The following STX18 variants were observed in gnomAD, a reference collection of about 807,000 sequenced individuals.
STX18 encodes syntaxin-18.
Under a neutral mutation model 50.1 loss-of-function variants are expected in STX18, and 40 were observed. The observed-to-expected ratio is 0.80, with a 90% confidence interval of 0.62 to 1.04. STX18 has a LOEUF of 1.04. STX18 is among the 50% of genes least tolerant of loss of function. The pLI is 0.00. For missense variants in STX18, 410 were observed against 415.8 expected (o/e 0.99, Z 0.12); for synonymous variants, 158 against 151.8 (o/e 1.04, Z -0.30).
chr4:4,476,177 A>G (rs549964556), intron 1 of STX18: 1 of 152,364 alleles, frequency 6.6e-6, no homozygotes, highest in African/African-American at 2.4e-5. Context: ...TCAGTGAGCT[A>G]CGGTTTGATT....
At chr4:4,508,441 T>C (rs1033123067) in intron 1 of STX18, among the ~76,000 whole-genome samples, 14 of 152,270 alleles carry the variant, frequency 9.2e-5, no homozygotes, top group Admixed American at 1.3e-4. Flanking sequence ...ATATAAAATA[T>C]ACATGAGAAG....
chr4:4,521,281 C>T (rs552746737), intron 1 of STX18, among the ~76,000 whole-genome samples: 6 of 152,272 alleles, frequency 3.9e-5, no homozygotes, highest in Admixed American at 1.3e-4. Flanking sequence ...GCTATACAGA[C>T]GTATTATGAA....
intron 1 of STX18, among the ~76,000 whole-genome samples, chr4:4,500,336 T>C (rs2108876872): frequency 6.6e-6 from 1 of 152,300 alleles, no homozygotes; most frequent in South Asian, 2.1e-4. Context: ...ACGGAAAATA[T>C]TTTTTTAAAA....
At chr4:4,512,827 T>C (rs1395791640) in intron 1 of STX18, among the ~76,000 whole-genome samples, 1 of 152,166 alleles carries the variant, frequency 6.6e-6, no homozygotes, top group African/African-American at 2.4e-5. Context: ...TAAATATTGC[T>C]CAAAGTTAGA....
Position 4,427,715 on chromosome 4 carries a change from A to C in STX18, c.703-2493T>G, listed in dbSNP as rs529414539. Among the ~76,000 whole-genome samples the C allele has an allele frequency of 3.9e-5, 6 of 152,286 alleles. No individual in the cohort carries two copies. The South Asian group carries it at 1.2e-3, about 32-fold the overall frequency. The stretch of plus-strand genomic sequence containing the variant: ...CTTTTCTTGTTTCCTCCCCAATTTG[A>C]GGGCCTGTGGTATAAGGCACTTAGG... On this transcript the variant is annotated intron_variant, in intron 7 of 10. Coordinates refer to ENST00000306200, the MANE Select transcript of STX18 (RefSeq NM_016930.4).
At chr4:4,423,615 A>C (rs1261481562) in intron 8 of STX18, 28 bp from the exon 9 acceptor site, 1 of 1,603,438 alleles carries the variant, frequency 6.2e-7, no homozygotes, top group East Asian at 2.2e-5. Context: ...ATTACATATT[A>C]ACTATTAGCA....
Position 4,438,491 on chromosome 4 carries a change from T to C in STX18, c.516A>G (p.Glu172=). The change falls in exon 6 of 11, where the codon GAA becomes GAG. Residue 172 remains glutamate, a synonymous_variant. Coordinates refer to ENST00000306200, the MANE Select transcript of STX18 (RefSeq NM_016930.4). ...TGGATTCTCTTGTCTTTGTATTTGG[T>C]TCTGGTTCCAGCTTAGATCTAAAAA... ...DKKRLSKLEP[E]PNTKTRESTS... 1 of 1,613,406 alleles carries C rather than the reference T, an allele frequency of 6.2e-7. No homozygotes were observed. The highest frequency in any genetic ancestry group is 8.5e-7 in the Non-Finnish European group (1 of 1,179,508).
chr4:4,419,533 T>TAA lies in STX18; in HGVS notation c.*499_*500dup, dbSNP rs1454967293. On this transcript the variant is annotated 3_prime_UTR_variant, in exon 11 of 11. Transcript: ENST00000306200. Reference sequence around the variant, plus strand: ...AGGCAGATGTGAATTTTCTCTTCTATAATCCAGTAAGTCTGTGTATTCGTT... The same window carrying TAA: ...AGGCAGATGTGAATTTTCTCTTCTATAAAATCCAGTAAGTCTGTGTATTCGTT... 1.3e-5 allele frequency: 2 copies of TAA among 152,926 alleles called. No individual in the cohort carries two copies. The highest frequency in any genetic ancestry group is 2.9e-5 in the Non-Finnish European group (2 of 68,534). The allele number at this position is 152,926 out of a possible 1,614,324, so 9.5% of individuals were successfully genotyped here.
intron 1 of STX18, among the ~76,000 whole-genome samples, chr4:4,491,778 A>G (rs1369051314): frequency 6.6e-6 from 1 of 152,150 alleles, no homozygotes; most frequent in African/African-American, 2.4e-5. Flanking sequence ...GCCACAGTGT[A>G]ATATACGTTA....
At chr4:4,459,568 G>A in intron 2 of STX18, 81 bp from the exon 3 acceptor site, 1 of 1,000,886 alleles carries the variant, frequency 1.0e-6, no homozygotes, top group South Asian at 1.3e-5. Flanking sequence ...AGAAGAAAAG[G>A]CCTCCCTGAT....
chr4:4,456,942 G>A (rs948294318), intron 5 of STX18, among the ~76,000 whole-genome samples: 8 of 152,120 alleles, frequency 5.3e-5, no homozygotes, highest in African/African-American at 7.2e-5. Flanking sequence ...CAAGCCTCCT[G>A]AGCCTCAACT....
intron 1 of STX18, among the ~76,000 whole-genome samples, chr4:4,476,585 A>T (rs1431346952): frequency 6.6e-6 from 1 of 152,240 alleles, no homozygotes; most frequent in Non-Finnish European, 1.5e-5. Context: ...ATTTCACTAA[A>T]GAATCTCCTA....
At position 4,467,932 on chromosome 4, in the gene STX18, A is replaced by C. The variant is rs142886573; in HGVS notation, c.236+3707T>G. Among the ~76,000 whole-genome samples, 325 of 152,300 alleles carry C rather than the reference A, an allele frequency of 2.1e-3. 6 individuals carry two copies. The highest frequency in any genetic ancestry group is 0.011 in the East Asian group (59 of 5,172). ...CTGTAATGGAAGTCAAGGGAATAGG[A>C]AATTTCAAGAAACTGATGATGGTCA... On this transcript the variant is annotated intron_variant, in intron 2 of 10. Coordinates refer to ENST00000306200, the MANE Select transcript of STX18 (RefSeq NM_016930.4).
intron 7 of STX18, among the ~76,000 whole-genome samples, chr4:4,433,534 T>TAAAAAAAAAAAAAAAAAAAAAA (rs10676475): frequency 1.8e-5 from 2 of 111,070 alleles, no homozygotes; most frequent in Non-Finnish European, 3.8e-5. Flanking sequence ...AAAAATAAAT[T>TAAAAAAAAAAAAAAAAAAAAAA]AAAAAAAAAA....
rs1724762964 is a variant in STX18, at chr4:4,419,026, T to G, written c.*1008A>C. ...ATTCATTTACATGTAACTTCTGACA[T>G]TTCACTCTGTGCAAATAAAGAACAT... On this transcript the variant is annotated 3_prime_UTR_variant, in exon 11 of 11. Coordinates refer to ENST00000306200, the MANE Select transcript of STX18 (RefSeq NM_016930.4). The G allele has an allele frequency of 6.6e-6, 1 of 152,268 alleles. No homozygotes were observed. Among genetic ancestry groups the G allele is most frequent in the Admixed American group, 6.5e-5 (1 of 15,276 alleles). 9.4% of individuals were successfully genotyped at this position (152,268 alleles called of 1,614,324 possible). A position where few individuals can be genotyped will look rare whatever the true frequency, so the allele number is the denominator to read the frequency against.
Position 4,464,405 on chromosome 4 carries a change from G to A in STX18, c.237-4918C>T, listed in dbSNP as rs942210293. 9.2e-5 allele frequency among the ~76,000 whole-genome samples: 14 copies of A among 152,104 alleles called. No homozygotes were observed. In the East Asian group the frequency reaches 1.2e-3, roughly 13 times the overall value. The stretch of plus-strand genomic sequence containing the variant: ...ACTTGCATCATTCCTTCATCTGCTC[G>A]ATAAATATTTAGTGTGTGAGAAACT... On this transcript the variant is annotated intron_variant, in intron 2 of 10. Coordinates refer to ENST00000306200, the MANE Select transcript of STX18 (RefSeq NM_016930.4).
chr4:4,537,139 T>A (rs1731381566), intron 1 of STX18, among the ~76,000 whole-genome samples: 1 of 152,182 alleles, frequency 6.6e-6, no homozygotes, highest in Admixed American at 6.5e-5. Flanking sequence ...TCCTGTAACC[T>A]TTATAAGTCA....
chr4:4,466,998 T>G (rs561214420), intron 2 of STX18, among the ~76,000 whole-genome samples: 1 of 151,970 alleles, frequency 6.6e-6, no homozygotes, highest in African/African-American at 2.4e-5. Flanking sequence ...TTGCACAGAG[T>G]CAGTTTCTGG....
At chr4:4,474,004 G>A (rs561422921) in intron 1 of STX18, among the ~76,000 whole-genome samples, 44 of 152,126 alleles carry the variant, frequency 2.9e-4, no homozygotes, top group South Asian at 2.1e-3. Context: ...AGTCCCTGCC[G>A]CACACCCCGC....
Sources: gnomAD v4.1 joint callset for allele counts (sites outside exome capture counted in the v4.1 genomes callset) on GRCh38, gnomAD v4.1.1 for gene constraint, MANE v1.5 for transcripts, NCBI Gene and HGNC (gene_info 2026-07-23, HGNC 2026-07-21) for gene names.